ATP11C: variants seen among roughly 807,000 people sequenced by gnomAD.
ATP11C encodes the protein ATPase phospholipid transporting 11C (ATP11C blood group).
In ATP11C, 36 loss-of-function variants were observed where a neutral mutation model predicts 97.4. The ratio of observed to expected loss-of-function variants is 0.37; its 90% CI spans 0.28 to 0.49. The LOEUF (loss-of-function observed/expected upper bound fraction) is 0.49, where lower values mean the gene tolerates loss of function less well. ATP11C is among the 20% of genes least tolerant of loss of function. The pLI is 0.98. For synonymous variants in ATP11C, 275 were observed against 290.9 expected (o/e 0.95, Z 0.56); for missense variants, 730 against 824.6 (o/e 0.89, Z 1.40).
At chrX:139,785,144 G>A in intron 16 of ATP11C, 82 bp downstream of exon 16, 4 of 740,068 alleles carry the variant, frequency 5.4e-6, no homozygotes, top group Non-Finnish European at 8.1e-6. Flanking sequence ...TACATGAAAT[G>A]ATTCTCTTTC....
intron 1 of ATP11C, among the ~76,000 whole-genome samples, chrX:139,921,662 A>G (rs1249085154): frequency 1.8e-5 from 2 of 111,562 alleles, no homozygotes; most frequent in Non-Finnish European, 3.8e-5. Context: ...GCAGTGAACT[A>G]TAAATGTGTT....
Position 139,816,866 on chromosome X carries a change from C to T in ATP11C, c.315G>A (p.Lys105=). Residue 105 remains lysine, a synonymous_variant, in exon 4 of 30, where the codon AAG becomes AAA. Transcript: ENST00000682941. ...CAAGTGTAAATAAGAAATTTACCTG[C>T]TTGATGGCTGTAACAGTTATAACAA... ...LFFVITVTAI[K]QGYEDCLRHR... The T allele has an allele frequency of 8.4e-7, 1 of 1,193,225 alleles. No individual in the cohort carries two copies.
chrX:139,895,020 T>A (rs1466324142), intron 1 of ATP11C, among the ~76,000 whole-genome samples: 1 of 111,943 alleles, frequency 8.9e-6, no homozygotes, highest in Non-Finnish European at 1.9e-5. Flanking sequence ...CATGCCATTG[T>A]ACTCCAGCCT....
At chrX:139,859,630 C>A (rs2084149116) in intron 1 of ATP11C, among the ~76,000 whole-genome samples, 1 of 111,993 alleles carries the variant, frequency 8.9e-6, no homozygotes, top group African/African-American at 3.2e-5. Context: ...ATTCAACCCT[C>A]ACGTAAACAG....
At chrX:139,871,397 T>TG (rs1162886392) in intron 1 of ATP11C, among the ~76,000 whole-genome samples, 1 of 108,434 alleles carries the variant, frequency 9.2e-6, no homozygotes, top group Non-Finnish European at 1.9e-5. Flanking sequence ...CTGGTAGAGA[T>TG]GGGGTTTCAC....
upstream of ATP11C, among the ~76,000 whole-genome samples, chrX:139,933,940 T>A (rs1487178715): frequency 8.9e-6 from 1 of 112,084 alleles, no homozygotes; most frequent in Non-Finnish European, 1.9e-5. Context: ...AATTTAATAA[T>A]AGCTAGAGTT....
In ATP11C at chrX:139,780,854, A is replaced by G. The variant is rs188462313; in HGVS notation, c.1952+1693T>C. On this transcript the variant is annotated intron_variant, in intron 18 of 29. Transcript: ENST00000682941. Reference sequence around the variant, plus strand: ...AATCAAATACCACATGTTCTTACTTATAAGTGGGAGCTAATAAATAAGTAC... The same window carrying G: ...AATCAAATACCACATGTTCTTACTTGTAAGTGGGAGCTAATAAATAAGTAC... 1.7e-4 allele frequency among the ~76,000 whole-genome samples: 19 copies of G among 112,330 alleles called. No homozygotes were observed. The East Asian group carries it at 5.0e-3, about 30-fold the overall frequency.
At chrX:139,814,208 A>G (rs1284507129) in intron 5 of ATP11C, among the ~76,000 whole-genome samples, 1 of 111,490 alleles carries the variant, frequency 9.0e-6, no homozygotes, top group African/African-American at 3.3e-5. Context: ...AATAATAAAC[A>G]ATGATTAACT....
rs941292053 is a variant in ATP11C, at chrX:139,816,896, A to G, written c.285T>C (p.Leu95=). ...TGGCTGTAACAGTTATAACAAAGAAAAGTGGAAGTCCACTGGTAACTGGGC... is the reference window on the plus strand; with the variant it reads ...TGGCTGTAACAGTTATAACAAAGAAGAGTGGAAGTCCACTGGTAACTGGGC... ...PTSPVTSGLP[L]FFVITVTAIK... Residue 95 remains leucine, a synonymous_variant, in exon 4 of 30, where the codon CTT becomes CTC. Transcript: ENST00000682941. The G allele has an allele frequency of 7.5e-6, 9 of 1,201,739 alleles. No homozygotes were observed. In the African/African-American group the frequency reaches 1.6e-4, roughly 21 times the overall value.
intron 27 of ATP11C, among the ~76,000 whole-genome samples, chrX:139,738,553 C>G: frequency 8.9e-6 from 1 of 111,977 alleles, no homozygotes; most frequent in Non-Finnish European, 1.9e-5. Context: ...CTTATCATCT[C>G]TCTCAAATGG....
intron 1 of ATP11C, among the ~76,000 whole-genome samples, chrX:139,829,501 G>T (rs1378928852): frequency 8.9e-6 from 1 of 111,936 alleles, no homozygotes; most frequent in East Asian, 2.8e-4. Flanking sequence ...ACGCTAAGTA[G>T]AAATCATTTT....
At chrX:139,886,042 G>A (rs1420794847) in intron 1 of ATP11C, among the ~76,000 whole-genome samples, 1 of 110,113 alleles carries the variant, frequency 9.1e-6, no homozygotes, top group East Asian at 2.8e-4. Flanking sequence ...ATGCAATAAG[G>A]TACAGAAAAA....
chrX:139,877,586 A>T (rs997819605), intron 1 of ATP11C, among the ~76,000 whole-genome samples: 2 of 111,947 alleles, frequency 1.8e-5, no homozygotes, highest in Non-Finnish European at 3.8e-5. Context: ...GGGGGAATGA[A>T]AATGTTAAAG....
intron 1 of ATP11C, among the ~76,000 whole-genome samples, chrX:139,873,897 A>G (rs1223247097): frequency 9.1e-6 from 1 of 109,659 alleles, no homozygotes; most frequent in Non-Finnish European, 1.9e-5. Flanking sequence ...CCCGAGACCA[A>G]TTAAGAACAA....
At chrX:139,740,024 A>C (rs1263269823) in intron 27 of ATP11C, among the ~76,000 whole-genome samples, 6 of 111,679 alleles carry the variant, frequency 5.4e-5, no homozygotes, top group Admixed American at 9.5e-5. Context: ...TTTTCAAAAT[A>C]GAGTTTCTTC....
Position 139,743,620 on chromosome X carries a change from T to A in ATP11C, c.2969A>T (p.Tyr990Phe). Reference sequence around the variant, plus strand: ...AATGGTTCCAAAAGTCCAGTTTCCGTATACCTGAAAAACATTTAATAATTA... The same window carrying A: ...AATGGTTCCAAAAGTCCAGTTTCCGAATACCTGAAAAACATTTAATAATTA... ...TASLEENGKV[Y>F]GNWTFGTIVF... Residue 990 changes from tyrosine to phenylalanine, a missense_variant, in exon 26 of 30, where the codon TAC (tyrosine) becomes TTC (phenylalanine). Transcript: ENST00000682941. The A allele has an allele frequency of 8.8e-7, 1 of 1,134,193 alleles. No homozygotes were observed. Among genetic ancestry groups the A allele is most frequent in the Non-Finnish European group, 1.2e-6 (1 of 834,823 alleles). The allele number at this position is 1,134,193 out of a possible 1,213,427, so 93.5% of individuals were successfully genotyped here.
chrX:139,771,946 A>C (rs1299114033), intron 19 of ATP11C, among the ~76,000 whole-genome samples: 1 of 112,347 alleles, frequency 8.9e-6, no homozygotes, highest in African/African-American at 3.2e-5. Context: ...TTTGCATAAG[A>C]AGCAAGGAGC....
At chrX:139,750,221 G>A (rs2081784271) in intron 23 of ATP11C, 69 bp from the exon 24 acceptor site, 10 of 1,037,148 alleles carry the variant, frequency 9.6e-6, no homozygotes, top group African/African-American at 1.9e-5. Context: ...TGATACTTAT[G>A]TATGTGAAAA....
chrX:139,853,016 G>A (rs999038602), intron 1 of ATP11C, among the ~76,000 whole-genome samples: 1 of 111,514 alleles, frequency 9.0e-6, no homozygotes, highest in African/African-American at 3.3e-5. Context: ...GAGGGGTTGA[G>A]CCTTCTGAGA....
Sources: gnomAD v4.1 joint callset for allele counts (sites outside exome capture counted in the v4.1 genomes callset) on GRCh38, gnomAD v4.1.1 for gene constraint, MANE v1.5 for transcripts, NCBI Gene and HGNC (gene_info 2026-07-23, HGNC 2026-07-21) for gene names.